NUCB2: variants seen among roughly 807,000 people sequenced by gnomAD.
NUCB2 encodes nucleobindin-2.
NUCB2 carries 48 observed loss-of-function variants against 57.9 expected under a neutral mutation model. The ratio of observed to expected loss-of-function variants is 0.83; its 90% confidence interval spans 0.66 to 1.05. The LOEUF is 1.05. Among genes scored for constraint, NUCB2 ranks in the 50% least tolerant of loss-of-function variants. The probability of loss-of-function intolerance (pLI) is 0.00; values close to 1 mark genes in which losing one functional copy is unlikely to be tolerated. For synonymous variants in NUCB2, 139 were observed against 152.1 expected, an observed-to-expected ratio of 0.91 and a Z score of 0.64; for missense variants, 442 against 476.2, an observed-to-expected ratio of 0.93 and a Z score of 0.67.
chr11:17,294,678 T>TAAAAAA (rs34406631), intron 2 of NUCB2, among the ~76,000 whole-genome samples: 2 of 102,646 alleles, frequency 1.9e-5, no homozygotes, highest in Non-Finnish European at 1.9e-5. Context: ...CGTGTTGCCT[T>TAAAAAA]AAAAAAAAAA....
At chr11:17,297,497 C>G (rs1591328504) in intron 4 of NUCB2, among the ~76,000 whole-genome samples, 2 of 152,078 alleles carry the variant, frequency 1.3e-5, no homozygotes, top group East Asian at 3.9e-4. Flanking sequence ...TGAGGATAAT[C>G]CTACTCTTCT....
intron 2 of NUCB2, among the ~76,000 whole-genome samples, chr11:17,341,904 C>A (rs1952301435): frequency 6.6e-6 from 1 of 152,120 alleles, no homozygotes; most frequent in Admixed American, 6.6e-5. Context: ...CCAGCTCCTC[C>A]TTGTACCTCT....
At chr11:17,288,956 T>C (rs1209083193) in intron 2 of NUCB2, among the ~76,000 whole-genome samples, 775 of 77,190 alleles carry the variant, frequency 0.01, 81 homozygotes, top group Admixed American at 0.015. Context: ...CACACATATA[T>C]ATATATATTT....
intron 11 of NUCB2, among the ~76,000 whole-genome samples, chr11:17,319,567 T>C (rs1320441615): frequency 2.0e-5 from 3 of 152,202 alleles, no homozygotes; most frequent in Non-Finnish European, 4.4e-5. Flanking sequence ...TATGGATGTG[T>C]ATATGTACAT....
intron 2 of NUCB2, among the ~76,000 whole-genome samples, chr11:17,342,385 G>A (rs1170182477): frequency 1.3e-5 from 2 of 152,012 alleles, no homozygotes; most frequent in Non-Finnish European, 2.9e-5. Flanking sequence ...TGCTTCTCTA[G>A]TTCTTTTAAT....
At chr11:17,326,753 A>G (rs1028226407) in intron 11 of NUCB2, among the ~76,000 whole-genome samples, 4 of 152,208 alleles carry the variant, frequency 2.6e-5, no homozygotes, top group African/African-American at 9.7e-5. Flanking sequence ...CGACAATTAC[A>G]GTGTTATACT....
rs1951336540 is a variant in NUCB2 at position 17,331,065 on chromosome 11, T to A, written c.1255+82T>A. The A allele has an allele frequency of 4.3e-6, 4 of 929,278 alleles. No individual in the cohort carries two copies. The East Asian group carries it at 1.1e-4, about 25-fold the overall frequency. The allele number at this position is 929,278 out of a possible 1,614,324, so 57.6% of individuals were successfully genotyped here. On this transcript the variant is annotated intron_variant, in intron 13 of 13. Transcript: ENST00000529010. ...ATCCACATTTATTACAAATATAATT[T>A]CAAATCATTAAGATGTTATGTTATT...
At chr11:17,288,878 TATATAC>T (rs1313439192) in intron 2 of NUCB2, among the ~76,000 whole-genome samples, 10 of 50,924 alleles carry the variant, frequency 2.0e-4, no homozygotes, top group East Asian at 1.3e-3. Flanking sequence ...TAATAACATG[TATATAC>T]ACACACACAC....
intron 11 of NUCB2, 150 bp downstream of exon 11, chr11:17,315,625 T>G: frequency 2.3e-6 from 1 of 433,422 alleles, no homozygotes; most frequent in Non-Finnish European, 4.1e-6. Flanking sequence ...ATAATGAACT[T>G]CATTTCTTGG....
intron 2 of NUCB2, among the ~76,000 whole-genome samples, chr11:17,284,739 C>A (rs1943330217): frequency 6.6e-6 from 1 of 152,098 alleles, no homozygotes; most frequent in Non-Finnish European, 1.5e-5. Context: ...TATAAATCAC[C>A]TGACTGAGAA....
In NUCB2 at chr11:17,311,255, T is replaced by G; in HGVS notation, c.732T>G (p.Phe244Leu). 1 of 1,609,532 alleles carries G rather than the reference T, an allele frequency of 6.2e-7. No homozygotes were observed. The highest frequency in any genetic ancestry group is 1.1e-5 in the South Asian group (1 of 90,416). Residue 244 changes from phenylalanine (F) to leucine (L), a missense_variant, in exon 8 of 14, where the codon TTT becomes TTG. Phe to Leu is a conservative substitution (Grantham distance 22). Coordinates refer to ENST00000529010, the MANE Select transcript of NUCB2 (RefSeq NM_005013.4). ...EETDGLDPND[F>L]DPKTFFKLHD... is the part of the protein sequence containing the mutation. ...CTGATGGATTGGATCCTAATGACTT[T>G]GACCCCAAGACATTTTTCAAATTAC...
In NUCB2 at chr11:17,348,344, T is replaced by G. The variant is rs1203495278; in HGVS notation, n.2627-1001T>G. 4.6e-4 allele frequency among the ~76,000 whole-genome samples: 63 copies of G among 136,180 alleles called. 1 individual carries two copies. Among genetic ancestry groups the G allele is most frequent in the African/African-American group, 1.5e-3 (54 of 35,910 alleles). The allele number at this position is 136,180 out of a possible 152,430, so 89.3% of individuals were successfully genotyped here. ...GTTTTTTTTTTTTTTTTTTTTTTTT[T>G]TTTTTTTGGAGACAGAGTCTCACTC... On this transcript the variant is annotated intron_variant and non_coding_transcript_variant, in intron 2 of 2. Transcript: ENST00000532240.
chr11:17,347,961 A>G (rs1439403704), intron 2 of NUCB2, among the ~76,000 whole-genome samples: 1 of 152,210 alleles, frequency 6.6e-6, no homozygotes, highest in Non-Finnish European at 1.5e-5. Context: ...ATTCAAAAAT[A>G]ATTTTATGTC....
chr11:17,290,325 A>T (rs1944707272), intron 2 of NUCB2, among the ~76,000 whole-genome samples: 1 of 152,244 alleles, frequency 6.6e-6, no homozygotes, highest in South Asian at 2.1e-4. Context: ...TGAAGTTATG[A>T]CAATAATAAT....
At position 17,295,471 on chromosome 11, in the gene NUCB2, A is replaced by G. The variant is rs1945678791; in HGVS notation, c.144+4A>G. ...AAGTGCGAAGATAGAACCACCAGTA[A>G]GTGAAATGAAGTGAAATGGGAGGAA... On this transcript the variant is annotated splice_donor_region_variant and intron_variant, in intron 3 of 13. Coordinates refer to ENST00000529010, the MANE Select transcript of NUCB2 (RefSeq NM_005013.4). 1 of 1,576,056 alleles carries G rather than the reference A, an allele frequency of 6.3e-7. No homozygotes were observed. Among genetic ancestry groups the G allele is most frequent in the African/African-American group, 1.3e-5 (1 of 74,092 alleles).
At chr11:17,288,654 A>G (rs866018224) in intron 2 of NUCB2, among the ~76,000 whole-genome samples, 1 of 146,622 alleles carries the variant, frequency 6.8e-6, no homozygotes, top group South Asian at 2.2e-4. Context: ...TCCTAGGTTC[A>G]AGCCATTCTC....
intron 5 of NUCB2, 24 bp downstream of exon 5, chr11:17,301,894 A>ATTTTTTTT: frequency 6.5e-7 from 1 of 1,527,496 alleles, no homozygotes. Flanking sequence ...AAAAGGTAGG[A>ATTTTTTTT]TTTTTTTTTT....
At chr11:17,309,507 T>G in intron 5 of NUCB2, 65 bp from the exon 6 acceptor site, 1 of 899,034 alleles carries the variant, frequency 1.1e-6, no homozygotes, top group South Asian at 1.7e-5. Context: ...CTTTTTCTTG[T>G]GTATAATTAT....
At chr11:17,346,161 T>C (rs1243983199) in intron 2 of NUCB2, among the ~76,000 whole-genome samples, 2 of 152,218 alleles carry the variant, frequency 1.3e-5, no homozygotes, top group Non-Finnish European at 2.9e-5. Flanking sequence ...CCTTAGATAC[T>C]ATCTTCCAAT....
Sources: gnomAD v4.1 joint callset for allele counts (sites outside exome capture counted in the v4.1 genomes callset) on GRCh38, gnomAD v4.1.1 for gene constraint, MANE v1.5 for transcripts, NCBI Gene and HGNC (gene_info 2026-07-23, HGNC 2026-07-21) for gene names.